The following P2RX4 variants were observed in gnomAD, a reference collection of about 807,000 sequenced individuals.
P2RX4 encodes the protein purinergic receptor P2X 4.
P2RX4 carries 37 observed loss-of-function variants against 48.0 expected under a neutral mutation model. The ratio of observed to expected loss-of-function variants is 0.77; its 90% CI spans 0.59 to 1.01. The LOEUF (loss-of-function observed/expected upper bound fraction) is 1.01. P2RX4 is among the 50% of genes least tolerant of loss of function. The pLI is 0.00. For missense variants in P2RX4, 501 were observed against 521.4 expected (o/e 0.96, Z 0.38); for synonymous variants, 200 against 199.7 (o/e 1.00, Z -0.01).
chr12:121,224,471 G>A (rs943458137), intron 5 of P2RX4, among the ~76,000 whole-genome samples: 1 of 151,924 alleles, frequency 6.6e-6, no homozygotes, highest in Non-Finnish European at 1.5e-5. Flanking sequence ...TTAGGGTGGC[G>A]CTTGTCTGTA....
chr12:121,229,013 C>A lies in P2RX4; in HGVS notation c.798C>A (p.Ala266=). The A allele has an allele frequency of 6.2e-7, 1 of 1,614,016 alleles. No individual in the cohort carries two copies. Among genetic ancestry groups the A allele is most frequent in the South Asian group, 1.1e-5 (1 of 91,080 alleles). The part of the protein sequence containing the change: ...QVNWDCNLDR[A]ASLCLPRYSF... ...ACTGGGACTGCAACCTGGACAGAGC[C>A]GCCTCCCTCTGCTTGCCCAGGTACT... Residue 266 remains alanine, a synonymous_variant, in exon 8 of 12, where the codon GCC becomes GCA. Coordinates refer to ENST00000337233, the MANE Select transcript of P2RX4 (RefSeq NM_002560.3). The surrounding 1 kb of genome is among the most constrained non-coding windows in gnomAD (Gnocchi z 4.6).
At chr12:121,226,697 G>T (rs184044979) in intron 5 of P2RX4, among the ~76,000 whole-genome samples, 1 of 152,204 alleles carries the variant, frequency 6.6e-6, no homozygotes, top group Non-Finnish European at 1.5e-5. Flanking sequence ...AAGGTGAGTT[G>T]ATCTTAAAGT....
At chr12:121,221,184 GTGTGTGTGTGTGTT>G (rs1357715917) in intron 2 of P2RX4, among the ~76,000 whole-genome samples, 15 of 140,368 alleles carry the variant, frequency 1.1e-4, no homozygotes, top group Admixed American at 5.7e-4. Flanking sequence ...GTGTGTGTGT[GTGTGTGTGTGTGTT>G]TTTAGTACAA....
At chr12:121,231,405 G>C (rs1330593037) in intron 8 of P2RX4, among the ~76,000 whole-genome samples, 1 of 152,214 alleles carries the variant, frequency 6.6e-6, no homozygotes, top group Admixed American at 6.5e-5. Context: ...CTTCACCACA[G>C]TCGATTTTAG....
At chr12:121,225,219 C>T (rs1478638351) in intron 5 of P2RX4, among the ~76,000 whole-genome samples, 1 of 151,236 alleles carries the variant, frequency 6.6e-6, no homozygotes, top group Non-Finnish European at 1.5e-5. Flanking sequence ...ATTATAGGCA[C>T]CCCCCACCAC....
In P2RX4 at chr12:121,210,185, G is replaced by C; in HGVS notation, c.21G>C (p.Ala7=). 2.6e-6 allele frequency: 4 copies of C among 1,530,610 alleles called. No individual in the cohort carries two copies. The highest frequency in any genetic ancestry group is 2.9e-5 in the African/African-American group (2 of 69,926). 94.8% of individuals were successfully genotyped at this position (1,530,610 alleles called of 1,614,324 possible). The change falls in exon 1 of 12, where the codon GCG becomes GCC. Residue 7 remains alanine, a synonymous_variant. Coordinates refer to ENST00000337233, the MANE Select transcript of P2RX4 (RefSeq NM_002560.3). ...CGGCCATGGCGGGCTGCTGCGCCGC[G>C]CTGGCGGCCTTCCTGTTCGAGTACG... MAGCCA[A]LAAFLFEYDT... is the part of the protein sequence containing the mutation.
At chr12:121,233,424 T>G in intron 11 of P2RX4, 99 bp from the exon 12 acceptor site, 260 of 1,332,506 alleles carry the variant, frequency 2.0e-4, no homozygotes, top group Non-Finnish European at 2.5e-4. Context: ...GGGACCAACT[T>G]GAGAACCCCT....
intron 1 of P2RX4, among the ~76,000 whole-genome samples, chr12:121,210,622 A>T (rs1885771412): frequency 6.6e-6 from 1 of 152,192 alleles, no homozygotes; most frequent in Non-Finnish European, 1.5e-5. Context: ...TCTGCAAAAA[A>T]TTAAAAATCA....
intron 2 of P2RX4, among the ~76,000 whole-genome samples, chr12:121,220,783 A>G (rs1275986446): frequency 6.6e-6 from 1 of 152,138 alleles, no homozygotes; most frequent in Non-Finnish European, 1.5e-5. Flanking sequence ...ATGTTACACA[A>G]CCACTCCCCA....
rs563967984 is a variant in P2RX4, at chr12:121,230,193, A to G, written c.884+1094A>G. 7.3e-4 allele frequency among the ~76,000 whole-genome samples: 111 copies of G among 152,378 alleles called. 1 individual carries two copies. The highest frequency in any genetic ancestry group is 2.5e-3 in the African/African-American group (105 of 41,602). On this transcript the variant is annotated intron_variant, in intron 8 of 11. Transcript: ENST00000337233. The stretch of plus-strand genomic sequence containing the variant: ...CAAGGCGGGCAGATCACCTGAGGCC[A>G]GCATGGCGAAACCCCATCTCTACTA...
At chr12:121,227,213 G>A (rs1056000121) in intron 5 of P2RX4, among the ~76,000 whole-genome samples, 26 of 152,258 alleles carry the variant, frequency 1.7e-4, no homozygotes, top group Admixed American at 1.3e-3. Context: ...CACTGACCTT[G>A]CTCCTGTCTC....
intron 4 of P2RX4, chr12:121,222,640 G>C: frequency 1.4e-6 from 1 of 738,374 alleles, no homozygotes; most frequent in Non-Finnish European, 2.1e-6. Flanking sequence ...TCGAACTCCT[G>C]ACCTCAGGTG....
At chr12:121,216,904 G>A in intron 1 of P2RX4, 2 of 703,780 alleles carry the variant, frequency 2.8e-6, no homozygotes, top group Non-Finnish European at 5.2e-6. Flanking sequence ...TGTGCTGAGT[G>A]CTTTACCTGC....
chr12:121,224,424 A>G (rs933862039), intron 5 of P2RX4, among the ~76,000 whole-genome samples: 3 of 151,902 alleles, frequency 2.0e-5, no homozygotes, highest in Non-Finnish European at 4.4e-5. Context: ...GCCAACATGG[A>G]GAAACCCCGT....
intron 1 of P2RX4, chr12:121,213,577 T>C (rs1232376368): frequency 1.3e-5 from 2 of 152,200 alleles, no homozygotes; most frequent in East Asian, 3.8e-4. Context: ...GCGCCTTGCT[T>C]TGTCACCCAG....
chr12:121,211,516 G>A (rs1421187736), intron 1 of P2RX4, among the ~76,000 whole-genome samples: 1 of 151,976 alleles, frequency 6.6e-6, no homozygotes, highest in Non-Finnish European at 1.5e-5. Context: ...AATACAACGC[G>A]AGAGAGAAGA....
At position 121,223,210 on chromosome 12, in the gene P2RX4, G is replaced by A. The variant is rs183834960; in HGVS notation, c.524+167G>A. ...GTGCCTCAGCCTCCCGAGTAGCTGA[G>A]ATTATAGGCACCCACCACCACGCCC... On this transcript the variant is annotated intron_variant, in intron 5 of 11. Coordinates refer to ENST00000337233, the MANE Select transcript of P2RX4 (RefSeq NM_002560.3). The A allele has an allele frequency of 1.0e-4, 60 of 601,898 alleles. 1 individual carries two copies. In the East Asian group the frequency reaches 1.0e-3, roughly 11 times the overall value. 37.3% of individuals were successfully genotyped at this position (601,898 alleles called of 1,614,324 possible). A position where few individuals can be genotyped will look rare whatever the true frequency, so the allele number is the denominator to read the frequency against.
intron 4 of P2RX4, 84 bp downstream of exon 4, chr12:121,222,250 C>A: frequency 1.0e-6 from 1 of 980,562 alleles, no homozygotes; most frequent in African/African-American, 1.6e-5. Flanking sequence ...GAAATCTTCC[C>A]AATTCCTTCA....
At chr12:121,213,547 T>C (rs1454354889) in intron 1 of P2RX4, 1 of 152,222 alleles carries the variant, frequency 6.6e-6, no homozygotes, top group African/African-American at 2.4e-5. Flanking sequence ...GTCTCTTTTT[T>C]CTTTTTTTCT....
Sources: gnomAD v4.1 joint callset for allele counts (sites outside exome capture counted in the v4.1 genomes callset) on GRCh38, gnomAD v4.1.1 for gene constraint, Gnocchi (gnomAD v3.1) non-coding constraint, MANE v1.5 for transcripts, NCBI Gene and HGNC (gene_info 2026-07-23, HGNC 2026-07-21) for gene names.